Variants in ADAMDEC1 observed in about 807,000 individuals in gnomAD.
The protein encoded by ADAMDEC1 is ADAM like decysin 1.
A neutral mutation model predicts 60.4 loss-of-function variants in ADAMDEC1; 62 were observed. The observed-to-expected ratio is 1.03, with a 90% CI of 0.84 to 1.27. The LOEUF is 1.27. Among genes scored for constraint, ADAMDEC1 ranks in the 50% most tolerant of loss-of-function variants. The pLI, the probability that ADAMDEC1 is intolerant of heterozygous loss-of-function variation, is 0.00. For missense variants in ADAMDEC1, 595 were observed against 565.0 expected (o/e 1.05, Z -0.54); for synonymous variants, 210 against 195.1 (o/e 1.08, Z -0.64).
chr8:24,392,029 G>A (rs1368862295), intron 1 of ADAMDEC1, among the ~76,000 whole-genome samples: 1 of 151,488 alleles, frequency 6.6e-6, no homozygotes, highest in Non-Finnish European at 1.5e-5. Flanking sequence ...CTAAAGAATT[G>A]TTTTATAATC....
intron 4 of ADAMDEC1, among the ~76,000 whole-genome samples, 196 bp downstream of exon 4, chr8:24,394,343 A>T (rs1041745835): frequency 1.3e-5 from 2 of 152,174 alleles, no homozygotes; most frequent in African/African-American, 4.8e-5. Context: ...GGAAAATCAC[A>T]TTCAGCTTTT....
intron 1 of ADAMDEC1, among the ~76,000 whole-genome samples, chr8:24,390,786 A>AT (rs1168762944): frequency 0.014 from 2,037 of 149,612 alleles, 48 homozygotes; most frequent in African/African-American, 0.046. Flanking sequence ...ATTTGGTTTT[A>AT]TTTTTTTTTT....
chr8:24,397,227 T>A (rs765036264), intron 5 of ADAMDEC1, 43 bp from the exon 6 acceptor site: 11 of 1,546,696 alleles, frequency 7.1e-6, no homozygotes, highest in Non-Finnish European at 9.7e-6. Context: ...AATATGACAC[T>A]GTGTGTCAGG....
At chr8:24,396,374 T>C (rs1332362757) in intron 5 of ADAMDEC1, among the ~76,000 whole-genome samples, 1 of 152,056 alleles carries the variant, frequency 6.6e-6, no homozygotes, top group Non-Finnish European at 1.5e-5. Flanking sequence ...TAGCCGAGTG[T>C]GGTGGCTGGC....
intron 1 of ADAMDEC1, among the ~76,000 whole-genome samples, chr8:24,385,602 A>T (rs1193660449): frequency 2.6e-5 from 4 of 152,174 alleles, no homozygotes; most frequent in Admixed American, 1.3e-4. Context: ...TTCTTATTTA[A>T]TAACTCTACT....
chr8:24,400,301 G>A lies in ADAMDEC1; in HGVS notation c.1142+1G>A. 1 of 1,591,658 alleles carries A rather than the reference G, an allele frequency of 6.3e-7. No homozygotes were observed. The highest frequency in any genetic ancestry group is 8.5e-7 in the Non-Finnish European group (1 of 1,172,834). On this transcript the variant is annotated splice_donor_variant, in intron 11 of 13. Transcript: ENST00000256412. LOFTEE classifies it high-confidence loss of function. ...GTTGTGTGATGAATCAGTATCTGAG[G>A]TGAGACCTTGTCATCCTAAAAGGAG...
At position 24,384,397 on chromosome 8, in the gene ADAMDEC1, GA is replaced by G. The variant is rs1460220150; in HGVS notation, c.-105del. On this transcript the variant is annotated 5_prime_UTR_variant, in exon 1 of 14. The change creates a premature stop within an existing upstream ORF in the 5' untranslated region. Coordinates refer to ENST00000256412, the MANE Select transcript of ADAMDEC1 (RefSeq NM_014479.3). ...TTTGACAATTTCCCAACACTCTTAAGAAACATTCCCCAATCTCACACGAAAA... is the reference window on the plus strand; with the variant it reads ...TTTGACAATTTCCCAACACTCTTAAGAACATTCCCCAATCTCACACGAAAA... 2.3e-6 allele frequency: 2 copies of G among 880,748 alleles called. No homozygotes were observed. The highest frequency in any genetic ancestry group is 3.4e-6 in the Non-Finnish European group (2 of 590,286). 54.6% of individuals were successfully genotyped at this position (880,748 alleles called of 1,614,324 possible). A position where few individuals can be genotyped will look rare whatever the true frequency, so the allele number is the denominator to read the frequency against.
At chr8:24,391,459 A>G (rs1331598468) in intron 1 of ADAMDEC1, among the ~76,000 whole-genome samples, 3 of 152,226 alleles carry the variant, frequency 2.0e-5, no homozygotes, top group Non-Finnish European at 4.4e-5. Flanking sequence ...AGTTACTTCT[A>G]CGAGGTTATT....
In ADAMDEC1 at chr8:24,398,558, C is replaced by T. The variant is rs779848790; in HGVS notation, c.762+7C>T. 1.9e-6 allele frequency: 3 copies of T among 1,583,270 alleles called. No homozygotes were observed. The highest frequency in any genetic ancestry group is 2.2e-5 in the East Asian group (1 of 44,618). On this transcript the variant is annotated splice_region_variant and intron_variant, in intron 8 of 13. Transcript: ENST00000256412. Reference sequence around the variant, plus strand: ...GATGAACCTACTCAATGTGGTAAGACATTAGTCATGTAAACCTCATGTTTC... The same window carrying T: ...GATGAACCTACTCAATGTGGTAAGATATTAGTCATGTAAACCTCATGTTTC...
chr8:24,395,675 C>T lies in ADAMDEC1; in HGVS notation c.364-45C>T, dbSNP rs189927997. 15 of 1,316,958 alleles carry T rather than the reference C, an allele frequency of 1.1e-5. No individual in the cohort carries two copies. The East Asian group carries it at 3.2e-4, about 28-fold the overall frequency. 81.6% of individuals were successfully genotyped at this position (1,316,958 alleles called of 1,614,324 possible). ...CATTACACACACACTCACATACACA[C>T]ACACACACACATTTCTGAAGCATAA... is the stretch of plus-strand genomic sequence containing the variant. On this transcript the variant is annotated intron_variant, in intron 4 of 13. Transcript: ENST00000256412.
Position 24,398,885 on chromosome 8 carries a change from C to T in ADAMDEC1, c.774C>T (p.Thr258=). ...TGCTCTTTCCACAGATATATAACAC[C>T]ATAGATGTTCAAGTGGCCTTGGTAG... ...VMNLLNVIYN[T]IDVQVALVGM... Residue 258 remains threonine (T), a synonymous_variant, in exon 9 of 14, where the codon ACC becomes ACT. Coordinates refer to ENST00000256412, the MANE Select transcript of ADAMDEC1 (RefSeq NM_014479.3). The T allele has an allele frequency of 6.2e-7, 1 of 1,613,622 alleles. No homozygotes were observed. The highest frequency in any genetic ancestry group is 1.1e-5 in the South Asian group (1 of 90,998).
chr8:24,390,260 A>G, intron 1 of ADAMDEC1: 2 of 986,264 alleles, frequency 2.0e-6, no homozygotes, highest in Non-Finnish European at 2.6e-6. Flanking sequence ...ATACGTTTAC[A>G]TTATTTTTTC....
At chr8:24,397,012 G>T (rs1388414686) in intron 5 of ADAMDEC1, among the ~76,000 whole-genome samples, 1 of 152,062 alleles carries the variant, frequency 6.6e-6, no homozygotes, top group Non-Finnish European at 1.5e-5. Context: ...TATTTACCAC[G>T]GTGCAAATTC....
At chr8:24,392,070 A>G (rs1182502401) in intron 1 of ADAMDEC1, among the ~76,000 whole-genome samples, 192 bp from the exon 2 acceptor site, 4 of 151,506 alleles carry the variant, frequency 2.6e-5, no homozygotes, top group Non-Finnish European at 4.4e-5. Flanking sequence ...TGGGAGGGAG[A>G]GCAAAAAAAA....
intron 8 of ADAMDEC1, 65 bp from the exon 9 acceptor site, chr8:24,398,809 A>T (rs1817682235): frequency 6.6e-7 from 1 of 1,526,674 alleles, no homozygotes; most frequent in Non-Finnish European, 9.0e-7. Context: ...CTTGTGGTCA[A>T]CAAAAGCTCT....
At chr8:24,392,681 G>A (rs955517953) in intron 2 of ADAMDEC1, among the ~76,000 whole-genome samples, 1 of 152,110 alleles carries the variant, frequency 6.6e-6, no homozygotes, top group Non-Finnish European at 1.5e-5. Flanking sequence ...CGGAGATGTT[G>A]TTCCTGGCAA....
rs770792778 is a variant in ADAMDEC1, at chr8:24,401,892, TTTGAG to T, written c.1143-20_1143-16del. On this transcript the variant is annotated intron_variant, in intron 11 of 13. Coordinates refer to ENST00000256412, the MANE Select transcript of ADAMDEC1 (RefSeq NM_014479.3). Reference sequence around the variant, plus strand: ...AGGCACCACACTGTATATCATATTATTTGAGTTTTCTTCTGATTACAGTTCAAAAT... The same window carrying T: ...AGGCACCACACTGTATATCATATTATTTTTCTTCTGATTACAGTTCAAAAT... 8 of 1,582,366 alleles carry T rather than the reference TTTGAG, an allele frequency of 5.1e-6. No individual in the cohort carries two copies. The African/African-American group carries it at 1.1e-4, about 21-fold the overall frequency.
At position 24,400,180 on chromosome 8, in the gene ADAMDEC1, A is replaced by G. The variant is rs976231690; in HGVS notation, c.1022A>G (p.Lys341Arg). 1.3e-6 allele frequency: 2 copies of G among 1,578,578 alleles called. No individual in the cohort carries two copies. Among genetic ancestry groups the G allele is most frequent in the Non-Finnish European group, 1.7e-6 (2 of 1,167,780 alleles). ...SSVAVIEAKK[K>R]NNVALVGVMS... is the part of the protein sequence containing the mutation. ...ATCTACTTTTTCCAGGCTAAAAAAA[A>G]GAATAATGTGGCTCTTGTAGGAGTG... The change falls in exon 11 of 14, where the codon AAG (lysine) becomes AGG (arginine). Residue 341 changes from lysine to arginine, a missense_variant. Transcript: ENST00000256412.
intron 12 of ADAMDEC1, among the ~76,000 whole-genome samples, chr8:24,402,764 T>C (rs1817796343): frequency 6.6e-6 from 1 of 152,170 alleles, no homozygotes; most frequent in Non-Finnish European, 1.5e-5. Context: ...GAACATGGCG[T>C]CTAAACTCTC....
Sources: allele counts gnomAD v4.1 joint callset (sites outside exome capture counted in the v4.1 genomes callset), GRCh38; gene constraint gnomAD v4.1.1; transcripts MANE v1.5; gene names NCBI Gene and HGNC (gene_info 2026-07-23, HGNC 2026-07-21).